Variants in USP6NL observed in about 807,000 individuals in gnomAD.
USP6NL encodes USP6 N-terminal like.
A neutral mutation model predicts 61.9 loss-of-function variants in USP6NL; 26 were observed. The ratio of observed to expected loss-of-function variants is 0.42; its 90% confidence interval spans 0.31 to 0.58. The LOEUF is 0.58. USP6NL is among the 20% of genes least tolerant of loss of function. The pLI, the probability that USP6NL is intolerant of heterozygous loss-of-function variation, is 0.16. For synonymous variants in USP6NL, 432 were observed against 390.1 expected (o/e 1.11, Z -1.27); for missense variants, 1,114 against 1,034.3 (o/e 1.08, Z -1.06).
In USP6NL at chr10:11,562,384, T is replaced by C. The variant is rs145860691; in HGVS notation, c.5-34817A>G. The C allele has an allele frequency of 6.0e-5, 59 of 985,448 alleles. No individual in the cohort carries two copies. In the African/African-American group the frequency reaches 8.7e-4, roughly 15 times the overall value. 61.0% of individuals were successfully genotyped at this position (985,448 alleles called of 1,614,324 possible). On this transcript the variant is annotated intron_variant, in intron 2 of 14. Transcript: ENST00000609104. This position sits in a 1 kb window ranked among gnomAD's most constrained non-coding sequence, Gnocchi z 4.8. ...CATTCCTTACACAGGTGACACCAAC[T>C]TCAGATTTCCCCTTTTCCTTTTTCT...
At position 11,513,923 on chromosome 10, in the gene USP6NL, A is replaced by G. The variant is rs990257531; in HGVS notation, c.196-4248T>C. On this transcript the variant is annotated intron_variant, in intron 5 of 14. Transcript: ENST00000609104. The surrounding 1 kb of genome is among the most constrained non-coding windows in gnomAD (Gnocchi z 4.7). ...GATGACACTGATGTTTTGAAAAGTC[A>G]AGGCCACACTATCTGGCTTTGTGTG... 6.6e-6 allele frequency among the ~76,000 whole-genome samples: 1 copy of G among 152,162 alleles called. No homozygotes were observed.
At chr10:11,560,156 C>CAA (rs1201233074) in intron 2 of USP6NL, among the ~76,000 whole-genome samples, 1 of 152,064 alleles carries the variant, frequency 6.6e-6, no homozygotes, top group Non-Finnish European at 1.5e-5. Flanking sequence ...TCCTAATTTC[C>CAA]CATTGTCTTC....
rs1836934064 is a variant in USP6NL, at chr10:11,561,639, T to C, written c.5-34072A>G. ...ACCTTTCTTCTACTGACAGATAAGT[T>C]CTACTGGTTTGGGTATTGTAAACAA... On this transcript the variant is annotated intron_variant, in intron 2 of 14. Coordinates refer to ENST00000609104, the MANE Select transcript of USP6NL (RefSeq NM_014688.5). The surrounding 1 kb of genome is among the most constrained non-coding windows in gnomAD (Gnocchi z 4.1). Among the ~76,000 whole-genome samples, 1 of 152,242 alleles carries C rather than the reference T, an allele frequency of 6.6e-6. No homozygotes were observed. The highest frequency in any genetic ancestry group is 2.4e-5 in the African/African-American group (1 of 41,472).
At chr10:11,486,621 G>A (rs1833481234) in intron 10 of USP6NL, among the ~76,000 whole-genome samples, 1 of 152,188 alleles carries the variant, frequency 6.6e-6, no homozygotes, top group African/African-American at 2.4e-5. Context: ...CAACAGACTT[G>A]ATGATTCTTC....
Position 11,576,018 on chromosome 10 carries a change from T to C in USP6NL, c.4+21613A>G, listed in dbSNP as rs1250949072. Among the ~76,000 whole-genome samples the C allele has an allele frequency of 5.3e-5, 8 of 151,978 alleles. No individual in the cohort carries two copies. The East Asian group carries it at 1.3e-3, about 26-fold the overall frequency. ...TGCACTGTAGTTATGTAACAGAACATCTTGGATTTCAGGATATATACTTCA... is the reference window on the plus strand; with the variant it reads ...TGCACTGTAGTTATGTAACAGAACACCTTGGATTTCAGGATATATACTTCA... On this transcript the variant is annotated intron_variant, in intron 2 of 14. Transcript: ENST00000609104.
Position 11,591,774 on chromosome 10 carries a change from T to C in USP6NL, c.4+5857A>G, listed in dbSNP as rs1455513420. Among the ~76,000 whole-genome samples, 4 of 152,140 alleles carry C rather than the reference T, an allele frequency of 2.6e-5. No individual in the cohort carries two copies. The highest frequency in any genetic ancestry group is 4.4e-5 in the Non-Finnish European group (3 of 68,026). Reference sequence around the variant, plus strand: ...TGAAAAAATATCAAAAGAAAATATATAAGAAAAGAATGTAAACCACCTCCC... The same window carrying C: ...TGAAAAAATATCAAAAGAAAATATACAAGAAAAGAATGTAAACCACCTCCC... On this transcript the variant is annotated intron_variant, in intron 2 of 14. Coordinates refer to ENST00000609104, the MANE Select transcript of USP6NL (RefSeq NM_014688.5). The surrounding 1 kb of genome is among the most constrained non-coding windows in gnomAD (Gnocchi z 4.7).
At chr10:11,473,866 G>A (rs576606553) in intron 14 of USP6NL, among the ~76,000 whole-genome samples, 2 of 152,170 alleles carry the variant, frequency 1.3e-5, no homozygotes, top group South Asian at 2.1e-4. Flanking sequence ...CAGGTTCAAA[G>A]ATTTCTAAAG....
chr10:11,575,947 G>A lies in USP6NL; in HGVS notation c.4+21684C>T, dbSNP rs1275392713. 6.6e-6 allele frequency among the ~76,000 whole-genome samples: 1 copy of A among 152,074 alleles called. No individual in the cohort carries two copies. Among genetic ancestry groups the A allele is most frequent in the African/African-American group, 2.4e-5 (1 of 41,410 alleles). On this transcript the variant is annotated intron_variant, in intron 2 of 14. Coordinates refer to ENST00000609104, the MANE Select transcript of USP6NL (RefSeq NM_014688.5). This position sits in a 1 kb window ranked among gnomAD's most constrained non-coding sequence, Gnocchi z 4.2. ...CATTTTGGGAGAAGAGGTGAAATTT[G>A]AATATAGTCTATAGATTCATCAGTT...
chr10:11,599,498 A>G (rs962149369), intron 1 of USP6NL, among the ~76,000 whole-genome samples: 5 of 152,200 alleles, frequency 3.3e-5, no homozygotes, highest in African/African-American at 1.2e-4. Flanking sequence ...CAAAAATAGT[A>G]ACCTCAAAAA....
At chr10:11,551,027 C>A (rs1420937567) in intron 2 of USP6NL, among the ~76,000 whole-genome samples, 1 of 152,036 alleles carries the variant, frequency 6.6e-6, no homozygotes, top group African/African-American at 2.4e-5. Flanking sequence ...CTGCAGCATG[C>A]GTGAAAATAC....
At chr10:11,529,088 A>G (rs1835538530) in intron 2 of USP6NL, among the ~76,000 whole-genome samples, 1 of 152,200 alleles carries the variant, frequency 6.6e-6, no homozygotes, top group Non-Finnish European at 1.5e-5. Context: ...GGAGTCTGCT[A>G]TTTTCAAAAT....
In USP6NL at chr10:11,587,441, AGAT is replaced by A. The variant is rs139169332; in HGVS notation, c.4+10187_4+10189del. 0.078 allele frequency among the ~76,000 whole-genome samples: 11,875 copies of A among 152,206 alleles called. 659 individuals carry two copies. The highest frequency in any genetic ancestry group is 0.16 in the East Asian group (813 of 5,174). On this transcript the variant is annotated intron_variant, in intron 2 of 14. Coordinates refer to ENST00000609104, the MANE Select transcript of USP6NL (RefSeq NM_014688.5). The surrounding 1 kb of genome is among the most constrained non-coding windows in gnomAD (Gnocchi z 4.5). ...TTAAACTTTTAACAGTCATACTATA[AGAT>A]GATAAGTATCCTGACATTTCATATT...
intron 4 of USP6NL, among the ~76,000 whole-genome samples, chr10:11,523,453 T>C (rs17150502): frequency 0.11 from 17,251 of 152,286 alleles, 1,293 homozygotes; most frequent in East Asian, 0.16. Flanking sequence ...GATTTGTGAA[T>C]GTAGTTTTTT....
rs977754328 is a variant in USP6NL, at chr10:11,495,527, A to G, written c.385-2299T>C. 6.6e-6 allele frequency among the ~76,000 whole-genome samples: 1 copy of G among 151,882 alleles called. No individual in the cohort carries two copies. The highest frequency in any genetic ancestry group is 2.4e-5 in the African/African-American group (1 of 41,332). ...ATCTAATTTTCTTGTATTTTTCTGTATTATTTTACATCTCTTTGCTTTTAT... is the reference window on the plus strand; with the variant it reads ...ATCTAATTTTCTTGTATTTTTCTGTGTTATTTTACATCTCTTTGCTTTTAT... On this transcript the variant is annotated intron_variant, in intron 7 of 14. Coordinates refer to ENST00000609104, the MANE Select transcript of USP6NL (RefSeq NM_014688.5). This position sits in a 1 kb window ranked among gnomAD's most constrained non-coding sequence, Gnocchi z 4.6.
At chr10:11,515,650 TG>T (rs1834922116) in intron 5 of USP6NL, among the ~76,000 whole-genome samples, 1 of 152,196 alleles carries the variant, frequency 6.6e-6, no homozygotes, top group African/African-American at 2.4e-5. Flanking sequence ...ACACATATCT[TG>T]GTAACCGGAA....
Position 11,518,174 on chromosome 10 carries a change from G to A in USP6NL, c.195+361C>T, listed in dbSNP as rs988623656. On this transcript the variant is annotated intron_variant, in intron 5 of 14. Transcript: ENST00000609104. The surrounding 1 kb of genome is among the most constrained non-coding windows in gnomAD (Gnocchi z 5.3). ...AGAATGGTGCTTTATTTGCCACAGG[G>A]TACATGAGAATCACTTGTGAAGCCT... Among the ~76,000 whole-genome samples, 1 of 152,110 alleles carries A rather than the reference G, an allele frequency of 6.6e-6. No individual in the cohort carries two copies. The highest frequency in any genetic ancestry group is 1.5e-5 in the Non-Finnish European group (1 of 68,022).
rs755405335 is a variant in USP6NL at position 11,462,392 on chromosome 10, T to G, written c.*49A>C. ...TTTGGCAATTATGAACATAGCAATG[T>G]AGGTTTCACGTGGTTTCTCTCTCGT... is the stretch of plus-strand genomic sequence containing the variant. On this transcript the variant is annotated 3_prime_UTR_variant, in exon 15 of 15. Transcript: ENST00000609104. 1 of 1,573,296 alleles carries G rather than the reference T, an allele frequency of 6.4e-7. No individual in the cohort carries two copies. The highest frequency in any genetic ancestry group is 1.2e-5 in the South Asian group (1 of 84,232).
Position 11,490,982 on chromosome 10 carries a change from T to G in USP6NL, c.495-102A>C. 1 of 1,037,904 alleles carries G rather than the reference T, an allele frequency of 9.6e-7. No homozygotes were observed. Among genetic ancestry groups the G allele is most frequent in the Non-Finnish European group, 1.4e-6 (1 of 734,590 alleles). The allele number at this position is 1,037,904 out of a possible 1,614,324, so 64.3% of individuals were successfully genotyped here. On this transcript the variant is annotated intron_variant, in intron 8 of 14. Transcript: ENST00000609104. The surrounding 1 kb of genome is among the most constrained non-coding windows in gnomAD (Gnocchi z 4.5). ...CCAAAGACTGACTGAAAACAGATAATCCAGATAAAATTACTAATGTAATAA... is the reference window on the plus strand; with the variant it reads ...CCAAAGACTGACTGAAAACAGATAAGCCAGATAAAATTACTAATGTAATAA...
rs1484157837 is a variant in USP6NL at position 11,511,196 on chromosome 10, T to C, written c.196-1521A>G. On this transcript the variant is annotated intron_variant, in intron 5 of 14. Transcript: ENST00000609104. The surrounding 1 kb of genome is among the most constrained non-coding windows in gnomAD (Gnocchi z 4.9). ...AACTCTTTTTAAAATTTTTGATGGGTTTCTCACAATAAAAGATGAGCACTC... is the reference window on the plus strand; with the variant it reads ...AACTCTTTTTAAAATTTTTGATGGGCTTCTCACAATAAAAGATGAGCACTC... 6.6e-6 allele frequency among the ~76,000 whole-genome samples: 1 copy of C among 151,964 alleles called. No homozygotes were observed. The highest frequency in any genetic ancestry group is 1.5e-5 in the Non-Finnish European group (1 of 68,004).
Sources: gnomAD v4.1 joint callset for allele counts (sites outside exome capture counted in the v4.1 genomes callset) on GRCh38, gnomAD v4.1.1 for gene constraint, Gnocchi (gnomAD v3.1) non-coding constraint, MANE v1.5 for transcripts, NCBI Gene and HGNC (gene_info 2026-07-23, HGNC 2026-07-21) for gene names.